Variants in IGSF10 observed in about 807,000 individuals in gnomAD.
IGSF10 encodes immunoglobulin superfamily member 10.
Under a neutral mutation model 128.2 loss-of-function variants are expected in IGSF10, and 126 were observed. The observed-to-expected ratio is 0.98, with a 90% CI of 0.85 to 1.14. IGSF10 has a LOEUF of 1.14. Among genes scored for constraint, IGSF10 ranks in the 50% most tolerant of loss-of-function variants. IGSF10 has a pLI of 0.00. For missense variants in IGSF10, 3,295 were observed against 3,149.8 expected (o/e 1.05, Z -1.10); for synonymous variants, 1,185 against 1,146.2 (o/e 1.03, Z -0.68).
At chr3:151,512,757 C>T in the IGSF10 span, among the ~76,000 whole-genome samples, 752 of 152,076 alleles carry the variant, frequency 4.9e-3, 7 homozygotes, top group African/African-American at 0.017. Flanking sequence ...ATCAAATAGA[C>T]GCAATAAAAA....
At chr3:151,570,453 T>A in the IGSF10 span, among the ~76,000 whole-genome samples, 1 of 152,208 alleles carries the variant, frequency 6.6e-6, no homozygotes, top group Non-Finnish European at 1.5e-5. Flanking sequence ...GGTATCTCAT[T>A]GTGGTTTTGA....
At chr3:151,475,549 A>G in the IGSF10 span, among the ~76,000 whole-genome samples, 1 of 152,328 alleles carries the variant, frequency 6.6e-6, no homozygotes, top group East Asian at 1.9e-4. Context: ...AACCACTCAT[A>G]CACTGCTGAG....
At chr3:151,584,777 G>A in the IGSF10 span, among the ~76,000 whole-genome samples, 1 of 152,138 alleles carries the variant, frequency 6.6e-6, no homozygotes, top group African/African-American at 2.4e-5. Flanking sequence ...ATTCATTGTT[G>A]GGGTTGGGAG....
the IGSF10 span, among the ~76,000 whole-genome samples, chr3:151,470,309 C>T: frequency 2.1e-3 from 327 of 152,304 alleles, 1 homozygote; most frequent in Non-Finnish European, 3.8e-3. Flanking sequence ...AAAAAGTCCA[C>T]CATTTGGGAT....
chr3:151,442,962 C>T (rs1156900435), intron 7 of IGSF10, 22 bp downstream of exon 7: 1 of 1,586,234 alleles, frequency 6.3e-7, no homozygotes, highest in African/African-American at 1.4e-5. Flanking sequence ...CAGATAATTC[C>T]AACCCAAAGG....
chr3:151,485,628 G>A, the IGSF10 span, among the ~76,000 whole-genome samples: 1 of 152,216 alleles, frequency 6.6e-6, no homozygotes, highest in Non-Finnish European at 1.5e-5. Context: ...CAAGCCAGAA[G>A]AGAGTGGGGG....
chr3:151,567,447 T>G, the IGSF10 span, among the ~76,000 whole-genome samples: 1 of 152,184 alleles, frequency 6.6e-6, no homozygotes, highest in African/African-American at 2.4e-5. Flanking sequence ...AGAAAAACTT[T>G]CACTGTAAAC....
At chr3:151,558,450 T>G in the IGSF10 span, among the ~76,000 whole-genome samples, 2 of 152,024 alleles carry the variant, frequency 1.3e-5, no homozygotes, top group Non-Finnish European at 2.9e-5. Flanking sequence ...GCCAAGCACA[T>G]ACTCTTGCTA....
At chr3:151,548,068 G>A in the IGSF10 span, among the ~76,000 whole-genome samples, 111 of 152,206 alleles carry the variant, frequency 7.3e-4, no homozygotes, top group African/African-American at 2.6e-3. Flanking sequence ...AATCTGCATG[G>A]CCAGTAATTT....
chr3:151,493,335 T>C, the IGSF10 span, among the ~76,000 whole-genome samples: 2 of 152,198 alleles, frequency 1.3e-5, no homozygotes. Flanking sequence ...TTTGCTTCAC[T>C]ATAGTAACCA....
chr3:151,462,700 C>T (rs1427486980), upstream of IGSF10, among the ~76,000 whole-genome samples: 1 of 152,126 alleles, frequency 6.6e-6, no homozygotes, highest in African/African-American at 2.4e-5. Flanking sequence ...GTGCCATATC[C>T]CATGCCGAGC....
At chr3:151,478,970 T>G in the IGSF10 span, among the ~76,000 whole-genome samples, 3 of 152,204 alleles carry the variant, frequency 2.0e-5, no homozygotes, top group Non-Finnish European at 2.9e-5. Context: ...GCATTTTAAA[T>G]TCTTAAAACT....
chr3:151,562,816 T>TA, the IGSF10 span, among the ~76,000 whole-genome samples: 1 of 152,026 alleles, frequency 6.6e-6, no homozygotes, highest in Non-Finnish European at 1.5e-5. Flanking sequence ...GTGAATAAGA[T>TA]ATAGACTTTA....
chr3:151,435,983 A>AGTT (rs1720135124), downstream of IGSF10: 1 of 152,200 alleles, frequency 6.6e-6, no homozygotes, highest in African/African-American at 2.4e-5. Context: ...GTTATAAAGA[A>AGTT]GTTTCATTGT....
At chr3:151,506,020 C>T in the IGSF10 span, among the ~76,000 whole-genome samples, 1 of 151,228 alleles carries the variant, frequency 6.6e-6, no homozygotes, top group African/African-American at 2.4e-5. Flanking sequence ...GTGTTGATCT[C>T]AGCTCACTGC....
At position 151,458,605 on chromosome 3, in the gene IGSF10, A is replaced by C. The variant is rs565220092; in HGVS notation, c.105T>G (p.Cys35Trp). Reference sequence around the variant, plus strand: ...TGCAGTGTACCTCCGTAGGCATATAACAGGCACAGCGGCGAGGACAGGCCT... The same window carrying C: ...TGCAGTGTACCTCCGTAGGCATATACCAGGCACAGCGGCGAGGACAGGCCT... ...GGKACPRRCA[C>W]YMPTEVHCTF... is the part of the protein sequence containing the mutation. Residue 35 changes from cysteine to tryptophan, a missense_variant, in exon 3 of 8, where the codon TGT becomes TGG. By Grantham distance (215) the Cys-to-Trp change is radical (BLOSUM62 -2). Transcript: ENST00000282466. 1 of 1,614,216 alleles carries C rather than the reference A, an allele frequency of 6.2e-7. No individual in the cohort carries two copies. The highest frequency in any genetic ancestry group is 1.3e-5 in the African/African-American group (1 of 75,072).
rs1232415983 is a variant in IGSF10, at chr3:151,436,717, T to C, written c.7844A>G (p.Tyr2615Cys). 1.2e-6 allele frequency: 2 copies of C among 1,612,500 alleles called. No homozygotes were observed. Among genetic ancestry groups the C allele is most frequent in the African/African-American group, 2.7e-5 (2 of 74,904 alleles). The change falls in exon 8 of 8, where the codon TAT (tyrosine) becomes TGT (cysteine). Residue 2615 changes from tyrosine (Y) to cysteine (C), a missense_variant. Transcript: ENST00000282466. Reference sequence around the variant, plus strand: ...GATTACTTGAATATACGTTGCTGCATAATCACTACCAAGTGGGTTCTTTGC... The same window carrying C: ...GATTACTTGAATATACGTTGCTGCACAATCACTACCAAGTGGGTTCTTTGC... ...CTAKNPLGSDYAATYIQVI is the reference protein window; with the variant it reads ...CTAKNPLGSDCAATYIQVI
At position 151,457,043 on chromosome 3, in the gene IGSF10, C is replaced by A; in HGVS notation, c.307G>T (p.Asp103Tyr). The A allele has an allele frequency of 6.2e-7, 1 of 1,614,202 alleles. No homozygotes were observed. Among genetic ancestry groups the A allele is most frequent in the Non-Finnish European group, 8.5e-7 (1 of 1,180,024 alleles). The change falls in exon 4 of 8, where the codon GAT becomes TAT. Residue 103 changes from aspartate to tyrosine, a missense_variant. Transcript: ENST00000282466. ...IHTIPDKTFSDLQALQVLKMS... is the reference protein window; with the variant it reads ...IHTIPDKTFSYLQALQVLKMS... ...AGTCTCACCTGCAAGGCCTGCAAAT[C>A]TGAGAAGGTCTTGTCAGGGATTGTG...
intron 5 of IGSF10, among the ~76,000 whole-genome samples, chr3:151,452,639 A>G (rs749942524): frequency 3.9e-5 from 6 of 152,178 alleles, no homozygotes; most frequent in Non-Finnish European, 7.3e-5. Context: ...AAATGCATAT[A>G]TGATGTGTTT....
Sources: gnomAD v4.1 joint callset for allele counts (sites outside exome capture counted in the v4.1 genomes callset) on GRCh38, gnomAD v4.1.1 for gene constraint, MANE v1.5 for transcripts, NCBI Gene and HGNC (gene_info 2026-07-23, HGNC 2026-07-21) for gene names.